Variants in ABCC6 observed in about 807,000 individuals in gnomAD.
ABCC6 encodes ATP-binding cassette sub-family C member 6.
ABCC6 carries 126 observed loss-of-function variants against 169.5 expected under a neutral mutation model. The observed-to-expected ratio is 0.74, with a 90% confidence interval of 0.64 to 0.86. The LOEUF is 0.86. ABCC6 is among the 40% of genes least tolerant of loss of function. The pLI is 0.00. For synonymous variants in ABCC6, 752 were observed against 814.7 expected, an observed-to-expected ratio of 0.92 and a Z score of 1.31; for missense variants, 1,733 against 1,927.2, an observed-to-expected ratio of 0.90 and a Z score of 1.89.
intron 1 of ABCC6, among the ~76,000 whole-genome samples, chr16:16,222,718 C>A (rs1449857594): frequency 2.0e-5 from 3 of 151,536 alleles, no homozygotes; most frequent in African/African-American, 7.3e-5. Flanking sequence ...CTGGTCCTAT[C>A]TAACCCTAGA....
In ABCC6 at chr16:16,173,692, T is replaced by TTTC. The variant is rs1567491311; in HGVS notation, c.2667-289_2667-288insGAA. Among the ~76,000 whole-genome samples the TTTC allele has an allele frequency of 5.6e-4, 82 of 147,734 alleles. 2 individuals carry two copies. The highest frequency in any genetic ancestry group is 2.0e-3 in the African/African-American group (82 of 40,236). On this transcript the variant is annotated intron_variant, in intron 20 of 30. Transcript: ENST00000205557. ...CACCATTGGAACTCTGTTCTCAGAATTTTCTTTTTTTTTTTTTTTTGAGAT... is the reference window on the plus strand; with the variant it reads ...CACCATTGGAACTCTGTTCTCAGAATTTCTTTCTTTTTTTTTTTTTTTTGAGAT...
chr16:16,163,428 C>A (rs1258681808), intron 23 of ABCC6, among the ~76,000 whole-genome samples: 1 of 152,144 alleles, frequency 6.6e-6, no homozygotes, highest in Non-Finnish European at 1.5e-5. Flanking sequence ...ATGCCCCACC[C>A]CAGAATGACT....
intron 7 of ABCC6, among the ~76,000 whole-genome samples, chr16:16,205,053 C>T (rs1309908047): frequency 6.6e-6 from 1 of 151,990 alleles, no homozygotes; most frequent in African/African-American, 2.4e-5. Flanking sequence ...CCAGGCTGGT[C>T]TTAAACTCCT....
rs553122247 is a variant in ABCC6 at position 16,190,868 on chromosome 16, G to A, written c.1432-501C>T. On this transcript the variant is annotated intron_variant, in intron 11 of 30. Coordinates refer to ENST00000205557, the MANE Select transcript of ABCC6 (RefSeq NM_001171.6). ...CGTGCTGAGCAGGCAGAGGATGGGG[G>A]GATGGAGCTGGAGAAGAGGGAGGGG... is the stretch of plus-strand genomic sequence containing the variant. Among the ~76,000 whole-genome samples the A allele has an allele frequency of 1.6e-4, 22 of 134,872 alleles. 1 individual carries two copies. In the South Asian group the frequency reaches 5.9e-3, roughly 36 times the overall value. 88.5% of individuals were successfully genotyped at this position (134,872 alleles called of 152,430 possible).
At chr16:16,159,642 G>A (rs893697906) in intron 25 of ABCC6, 59 bp from the exon 26 acceptor site, 11 of 1,518,356 alleles carry the variant, frequency 7.2e-6, no homozygotes, top group Non-Finnish European at 1.0e-5. Context: ...GCTTGCAACA[G>A]CCCCCCTGGT....
At chr16:16,179,340 G>T (rs12934421) in intron 17 of ABCC6, among the ~76,000 whole-genome samples, 62,105 of 151,860 alleles carry the variant, frequency 0.41, 13,989 homozygotes, top group Non-Finnish European at 0.52. Flanking sequence ...TCCTACTTTT[G>T]TATTTTAAAT....
At chr16:16,185,652 G>A (rs2047633952) in intron 14 of ABCC6, among the ~76,000 whole-genome samples, 1 of 152,130 alleles carries the variant, frequency 6.6e-6, no homozygotes, top group African/African-American at 2.4e-5. Context: ...AGGCGTGGTG[G>A]TGGGCGCCTG....
rs1282648225 is a variant in ABCC6 at position 16,188,228 on chromosome 16, A to C, written c.1779+603T>G. Among the ~76,000 whole-genome samples, 4 of 150,428 alleles carry C rather than the reference A, an allele frequency of 2.7e-5. No homozygotes were observed. The East Asian group carries it at 7.8e-4, about 29-fold the overall frequency. On this transcript the variant is annotated intron_variant, in intron 13 of 30. Coordinates refer to ENST00000205557, the MANE Select transcript of ABCC6 (RefSeq NM_001171.6). ...AATCTCATCTCTACTAAAAATACAA[A>C]AAAAAAAAAAAAAATTAGCTGGGCA...
At position 16,173,691 on chromosome 16, in the gene ABCC6, A is replaced by AG. The variant is rs1555511381; in HGVS notation, c.2667-288_2667-287insC. Among the ~76,000 whole-genome samples the AG allele has an allele frequency of 7.9e-4, 82 of 104,198 alleles. 2 individuals carry two copies. Among genetic ancestry groups the AG allele is most frequent in the African/African-American group, 2.6e-3 (82 of 31,168 alleles). 68.4% of individuals were successfully genotyped at this position (104,198 alleles called of 152,430 possible). On this transcript the variant is annotated intron_variant, in intron 20 of 30. Coordinates refer to ENST00000205557, the MANE Select transcript of ABCC6 (RefSeq NM_001171.6). ...CCACCATTGGAACTCTGTTCTCAGAATTTTCTTTTTTTTTTTTTTTTGAGA... is the reference window on the plus strand; with the variant it reads ...CCACCATTGGAACTCTGTTCTCAGAAGTTTTCTTTTTTTTTTTTTTTTGAGA...
intron 22 of ABCC6, among the ~76,000 whole-genome samples, chr16:16,168,914 C>T (rs111335378): frequency 1.1e-3 from 171 of 152,148 alleles, no homozygotes; most frequent in African/African-American, 4.0e-3. Context: ...AACCCCATCT[C>T]TACTAAAAAT....
chr16:16,219,394 G>C (rs2049000068), intron 4 of ABCC6, among the ~76,000 whole-genome samples, 160 bp downstream of exon 4: 1 of 152,084 alleles, frequency 6.6e-6, no homozygotes. Flanking sequence ...GGTACTGACA[G>C]GTGCGGGAGT....
chr16:16,190,404 A>G, intron 11 of ABCC6, 37 bp from the exon 12 acceptor site: 1 of 1,610,858 alleles, frequency 6.2e-7, no homozygotes, highest in East Asian at 2.2e-5. Flanking sequence ...GAAGACAGGG[A>G]CAGTTGAGAA....
chr16:16,160,208 G>T (rs552990350), intron 25 of ABCC6, among the ~76,000 whole-genome samples: 1 of 152,154 alleles, frequency 6.6e-6, no homozygotes, highest in South Asian at 2.1e-4. Flanking sequence ...TCTGGATGCA[G>T]TAGGAAAGTT....
chr16:16,181,911 C>G (rs1447797333), intron 17 of ABCC6: 1 of 203,710 alleles, frequency 4.9e-6, no homozygotes, highest in Non-Finnish European at 1.0e-5. Flanking sequence ...CCAGCCTGTG[C>G]AACAGAGCAA....
At chr16:16,198,823 G>A (rs916502044) in intron 9 of ABCC6, among the ~76,000 whole-genome samples, 18 of 151,732 alleles carry the variant, frequency 1.2e-4, no homozygotes, top group East Asian at 1.9e-4. Flanking sequence ...GTGAAACCCT[G>A]TCTCTACCAA....
intron 25 of ABCC6, among the ~76,000 whole-genome samples, 191 bp downstream of exon 25, chr16:16,161,247 C>CTCT (rs2046706701): frequency 7.0e-6 from 1 of 142,930 alleles, no homozygotes. Context: ...CAAGGAAAGA[C>CTCT]TCTTGCCCAA....
intron 15 of ABCC6, chr16:16,184,081 C>T (rs146052037): frequency 4.0e-5 from 7 of 173,642 alleles, no homozygotes; most frequent in Non-Finnish European, 7.7e-5. Context: ...CGCCTGTAAT[C>T]CCAGCTACTC....
chr16:16,185,646 G>A (rs977786551), intron 14 of ABCC6, among the ~76,000 whole-genome samples: 6 of 152,248 alleles, frequency 3.9e-5, no homozygotes, highest in Non-Finnish European at 8.8e-5. Context: ...TTAGCCAGGC[G>A]TGGTGGTGGG....
intron 11 of ABCC6, 39 bp from the exon 12 acceptor site, chr16:16,190,406 A>G: frequency 6.2e-7 from 1 of 1,607,840 alleles, no homozygotes; most frequent in South Asian, 1.1e-5. Flanking sequence ...AGACAGGGAC[A>G]GTTGAGAACT....
Sources: allele counts gnomAD v4.1 joint callset (sites outside exome capture counted in the v4.1 genomes callset), GRCh38; gene constraint gnomAD v4.1.1; transcripts MANE v1.5; gene names NCBI Gene and HGNC (gene_info 2026-07-23, HGNC 2026-07-21).